SUGT1: variants seen among roughly 807,000 people sequenced by gnomAD.
SUGT1 encodes SGT1 assembly cochaperone of MIS12 kinetochore complex.
Under a neutral mutation model 56.1 loss-of-function variants are expected in SUGT1, and 15 were observed. That is an observed-to-expected ratio of 0.27 (90% CI 0.18 to 0.41). The LOEUF (loss-of-function observed/expected upper bound fraction) is 0.41. Among genes scored for constraint, SUGT1 ranks in the 10% least tolerant of loss-of-function variants. The pLI is 1.00. For synonymous variants in SUGT1, 123 were observed against 128.6 expected, an observed-to-expected ratio of 0.96 and a Z score of 0.30; for missense variants, 347 against 382.2, an observed-to-expected ratio of 0.91 and a Z score of 0.77.
In SUGT1 at chr13:52,698,864, G is replaced by A. The variant is rs1163328060; in HGVS notation, c.*11029G>A. On this transcript the variant is annotated 3_prime_UTR_variant, in exon 13 of 13. Coordinates refer to ENST00000310528, the MANE Select transcript of SUGT1 (RefSeq NM_006704.5). Reference sequence around the variant, plus strand: ...TTGGTGAGTAACCTTCACTTGGGAAGCTTATTTTTAAAAATGTAGACCTTC... The same window carrying A: ...TTGGTGAGTAACCTTCACTTGGGAAACTTATTTTTAAAAATGTAGACCTTC... The A allele has an allele frequency of 6.6e-6, 1 of 152,184 alleles. No homozygotes were observed. Among genetic ancestry groups the A allele is most frequent in the Non-Finnish European group, 1.5e-5 (1 of 68,024 alleles). 9.4% of individuals were successfully genotyped at this position (152,184 alleles called of 1,614,324 possible). A position where few individuals can be genotyped will look rare whatever the true frequency, so the allele number is the denominator to read the frequency against.
At chr13:52,669,490 T>C (rs929739201) in intron 10 of SUGT1, among the ~76,000 whole-genome samples, 12 of 152,274 alleles carry the variant, frequency 7.9e-5, no homozygotes, top group Middle Eastern at 3.4e-3. Flanking sequence ...AACAATCATG[T>C]TAATGGAGTT....
At position 52,691,800 on chromosome 13, in the gene SUGT1, AAG is replaced by A. The variant is rs1566205299; in HGVS notation, c.*3966_*3967del. 1 of 152,174 alleles carries A rather than the reference AAG, an allele frequency of 6.6e-6. No individual in the cohort carries two copies. The highest frequency in any genetic ancestry group is 1.5e-5 in the Non-Finnish European group (1 of 68,024). The allele number at this position is 152,174 out of a possible 1,614,324, so 9.4% of individuals were successfully genotyped here. A position where few individuals can be genotyped will look rare whatever the true frequency, so the allele number is the denominator to read the frequency against. On this transcript the variant is annotated 3_prime_UTR_variant, in exon 13 of 13. Transcript: ENST00000310528. The stretch of plus-strand genomic sequence containing the variant: ...ACAAAATACTGGTTTCTGTGCAGGG[AAG>A]GGTCATATGTAGTTTTAAATAAAAG...
rs143374282 is a variant in SUGT1, at chr13:52,693,839, C to G, written c.*6004C>G. On this transcript the variant is annotated 3_prime_UTR_variant, in exon 13 of 13. Transcript: ENST00000310528. The stretch of plus-strand genomic sequence containing the variant: ...AATGTTTAATTATAGAATGCTAGCA[C>G]TGATCCTGCTGAAATTGTTACAAAA... The G allele has an allele frequency of 6.6e-6, 1 of 152,308 alleles. No homozygotes were observed. The highest frequency in any genetic ancestry group is 1.9e-4 in the East Asian group (1 of 5,186). The allele number at this position is 152,308 out of a possible 1,614,324, so 9.4% of individuals were successfully genotyped here. A position where few individuals can be genotyped will look rare whatever the true frequency, so the allele number is the denominator to read the frequency against.
In SUGT1 at chr13:52,660,377, G is replaced by A. The variant is rs187431176; in HGVS notation, c.328+1128G>A. Among the ~76,000 whole-genome samples the A allele has an allele frequency of 1.9e-3, 293 of 152,256 alleles. 1 individual carries two copies. The highest frequency in any genetic ancestry group is 2.8e-3 in the Non-Finnish European group (188 of 68,004). Reference sequence around the variant, plus strand: ...GGGGGTTGTGCTACTGACATCTAATGAGTATAAACCAGGGGTGCTACTAAA... The same window carrying A: ...GGGGGTTGTGCTACTGACATCTAATAAGTATAAACCAGGGGTGCTACTAAA... On this transcript the variant is annotated intron_variant, in intron 5 of 12. Transcript: ENST00000310528.
chr13:52,684,628 T>TCCTGGGCTCGAGTAATCCTCCTGA (rs1451997609), intron 12 of SUGT1, among the ~76,000 whole-genome samples: 1 of 152,028 alleles, frequency 6.6e-6, no homozygotes, highest in Admixed American at 6.5e-5. Context: ...AGCCTTGACC[T>TCCTGGGCTCGAGTAATCCTCCTGA]CCTGGGCTCG....
chr13:52,687,513 A>T (rs1170905538), intron 12 of SUGT1: 1 of 272,434 alleles, frequency 3.7e-6, no homozygotes, highest in Non-Finnish European at 6.8e-6. Context: ...GGAACTTGTT[A>T]ACCTCTGGAA....
At chr13:52,681,364 G>C (rs1352464541) in intron 12 of SUGT1, among the ~76,000 whole-genome samples, 1 of 151,028 alleles carries the variant, frequency 6.6e-6, no homozygotes, top group Non-Finnish European at 1.5e-5. Context: ...GTTGCAGTGA[G>C]CTGTTTTTTT....
rs781411695 is a variant in SUGT1, at chr13:52,659,267, T to C, written c.328+18T>C. ...ATTAGATAGTAAGTATTAAAAATTATACTTTAATAAACTTATCTATTTCTG... is the reference window on the plus strand; with the variant it reads ...ATTAGATAGTAAGTATTAAAAATTACACTTTAATAAACTTATCTATTTCTG... On this transcript the variant is annotated intron_variant, in intron 5 of 12. Coordinates refer to ENST00000310528, the MANE Select transcript of SUGT1 (RefSeq NM_006704.5). 4 of 1,394,158 alleles carry C rather than the reference T, an allele frequency of 2.9e-6. No homozygotes were observed. Among genetic ancestry groups the C allele is most frequent in the Admixed American group, 2.7e-5 (1 of 37,512 alleles). The allele number at this position is 1,394,158 out of a possible 1,614,324, so 86.4% of individuals were successfully genotyped here.
chr13:52,675,921 A>T (rs1217531474), intron 10 of SUGT1, among the ~76,000 whole-genome samples: 1 of 152,122 alleles, frequency 6.6e-6, no homozygotes, highest in African/African-American at 2.4e-5. Context: ...AGACATGGCT[A>T]AATGTCCCCT....
At chr13:52,681,517 T>C (rs1047098155) in intron 12 of SUGT1, among the ~76,000 whole-genome samples, 8 of 152,164 alleles carry the variant, frequency 5.3e-5, no homozygotes, top group Non-Finnish European at 8.8e-5. Flanking sequence ...TTACAAAGTT[T>C]CCATTGATGG....
At chr13:52,661,049 C>T (rs1321709766) in intron 5 of SUGT1, among the ~76,000 whole-genome samples, 3 of 151,956 alleles carry the variant, frequency 2.0e-5, no homozygotes, top group South Asian at 2.1e-4. Flanking sequence ...TGGACTCAAG[C>T]GTTCTGCCTG....
At chr13:52,654,984 CTAGTAT>C (rs1281276004) in intron 2 of SUGT1, among the ~76,000 whole-genome samples, 1 of 152,164 alleles carries the variant, frequency 6.6e-6, no homozygotes, top group African/African-American at 2.4e-5. Context: ...AGTCATGTGG[CTAGTAT>C]TAGTACCTTG....
chr13:52,675,843 G>A (rs565613779), intron 10 of SUGT1, among the ~76,000 whole-genome samples: 83 of 152,174 alleles, frequency 5.5e-4, no homozygotes, highest in Non-Finnish European at 1.0e-3. Context: ...TAGCAACCGT[G>A]GTCTCTACTC....
In SUGT1 at chr13:52,700,621, T is replaced by A. The variant is rs1200089930; in HGVS notation, c.*12786T>A. On this transcript the variant is annotated 3_prime_UTR_variant, in exon 13 of 13. Coordinates refer to ENST00000310528, the MANE Select transcript of SUGT1 (RefSeq NM_006704.5). ...CAAAACACTCTCTGCCTGTAAAATG[T>A]TTTTGCTGAAATTTGTATCATTAAC... is the stretch of plus-strand genomic sequence containing the variant. 2.0e-5 allele frequency: 3 copies of A among 152,186 alleles called. No homozygotes were observed. The highest frequency in any genetic ancestry group is 4.4e-5 in the Non-Finnish European group (3 of 68,030). 9.4% of individuals were successfully genotyped at this position (152,186 alleles called of 1,614,324 possible). A position where few individuals can be genotyped will look rare whatever the true frequency, so the allele number is the denominator to read the frequency against.
At chr13:52,676,061 T>C (rs1566190949) in intron 10 of SUGT1, among the ~76,000 whole-genome samples, 169 bp from the exon 11 acceptor site, 1 of 152,132 alleles carries the variant, frequency 6.6e-6, no homozygotes, top group Non-Finnish European at 1.5e-5. Context: ...GAATTTTGAG[T>C]GTAGAAACAA....
chr13:52,665,443 A>G (rs1962656143), intron 8 of SUGT1, among the ~76,000 whole-genome samples, 194 bp from the exon 9 acceptor site: 1 of 152,206 alleles, frequency 6.6e-6, no homozygotes, highest in African/African-American at 2.4e-5. Context: ...AGCATCATTT[A>G]CCTTACCATT....
At chr13:52,655,470 C>T (rs979090344) in intron 2 of SUGT1, among the ~76,000 whole-genome samples, 5 of 152,060 alleles carry the variant, frequency 3.3e-5, no homozygotes, top group South Asian at 2.1e-4. Flanking sequence ...GAGTAGATAG[C>T]GAATTGGAGG....
At chr13:52,659,767 T>G (rs1016176501) in intron 5 of SUGT1, among the ~76,000 whole-genome samples, 2 of 132,782 alleles carry the variant, frequency 1.5e-5, no homozygotes, top group African/African-American at 5.3e-5. Context: ...TATCTAGACA[T>G]ATAGAAATTG....
rs4261418 is a variant in SUGT1, at chr13:52,699,435, C to T, written c.*11600C>T. ...ACCATTTAGCAACTGGAATATTCTC[C>T]GATGATGCCTGTTTAATTACCCATA... On this transcript the variant is annotated 3_prime_UTR_variant, in exon 13 of 13. Transcript: ENST00000310528. 139,521 of 152,250 alleles carry T rather than the reference C, an allele frequency of 0.92. 64,174 individuals are homozygous for T. The highest frequency in any genetic ancestry group is 0.99 in the East Asian group (5,140 of 5,184). 9.4% of individuals were successfully genotyped at this position (152,250 alleles called of 1,614,324 possible).
Sources: allele counts gnomAD v4.1 joint callset (sites outside exome capture counted in the v4.1 genomes callset), GRCh38; gene constraint gnomAD v4.1.1; transcripts MANE v1.5; gene names NCBI Gene and HGNC (gene_info 2026-07-23, HGNC 2026-07-21).